SEL1L: variants seen among roughly 807,000 people sequenced by gnomAD.
The protein encoded by SEL1L is SEL1L adaptor subunit of SYVN1 ubiquitin ligase.
Under a neutral mutation model 109.8 loss-of-function variants are expected in SEL1L, and 52 were observed. The ratio of observed to expected loss-of-function variants is 0.47; its 90% CI spans 0.38 to 0.60. The LOEUF (loss-of-function observed/expected upper bound fraction) is 0.60, where lower values mean the gene tolerates loss of function less well. Among genes scored for constraint, SEL1L ranks in the 20% least tolerant of loss-of-function variants. The pLI is 0.00. For synonymous variants in SEL1L, 373 were observed against 339.6 expected (o/e 1.10, Z -1.08); for missense variants, 749 against 962.2 (o/e 0.78, Z 2.93).
chr14:81,521,320 C>G (rs976472656), intron 3 of SEL1L, among the ~76,000 whole-genome samples: 5 of 151,496 alleles, frequency 3.3e-5, no homozygotes, highest in African/African-American at 1.2e-4. Flanking sequence ...AAGAAATGTA[C>G]AAAATAAGTT....
intron 6 of SEL1L, among the ~76,000 whole-genome samples, chr14:81,501,908 A>G (rs12893863): frequency 0.39 from 58,651 of 151,620 alleles, 13,096 homozygotes; most frequent in East Asian, 0.55. Flanking sequence ...GAAGAAACAA[A>G]CTAAAAGCCA....
intron 3 of SEL1L, among the ~76,000 whole-genome samples, chr14:81,510,330 G>A (rs1884410504): frequency 6.6e-6 from 1 of 152,140 alleles, no homozygotes; most frequent in Admixed American, 6.5e-5. Flanking sequence ...ATGCTATAAA[G>A]GGGAGTAGAG....
intron 6 of SEL1L, among the ~76,000 whole-genome samples, chr14:81,499,937 ACT>A (rs1472254766): frequency 7.3e-6 from 1 of 136,146 alleles, no homozygotes; most frequent in African/African-American, 2.8e-5. Context: ...ACAGGGTATC[ACT>A]CTGTCATCCA....
intron 12 of SEL1L, among the ~76,000 whole-genome samples, chr14:81,491,902 G>C (rs1566973185): frequency 6.6e-6 from 1 of 151,946 alleles, no homozygotes; most frequent in Non-Finnish European, 1.5e-5. Context: ...ACAACTGTGA[G>C]AGTCTTAGCA....
intron 1 of SEL1L, among the ~76,000 whole-genome samples, chr14:81,533,464 G>A (rs374642598): frequency 6.6e-6 from 1 of 152,280 alleles, no homozygotes; most frequent in East Asian, 1.9e-4. Flanking sequence ...GTGTGGGCAG[G>A]GTGACCGCCC....
At chr14:81,491,593 T>C (rs1289216610) in intron 12 of SEL1L, among the ~76,000 whole-genome samples, 1 of 152,242 alleles carries the variant, frequency 6.6e-6, no homozygotes, top group Admixed American at 6.5e-5. Context: ...AATTTCCCTA[T>C]TGTAAAAACC....
rs767480655 is a variant in SEL1L at position 81,499,712 on chromosome 14, C to A, written c.778-50G>T. On this transcript the variant is annotated intron_variant, in intron 6 of 20. Coordinates refer to ENST00000336735, the MANE Select transcript of SEL1L (RefSeq NM_005065.6). ...AATCTTGCTTTGGTGAAGGTTTATCCAAGACAGACACAGACAGACACAGTT... is the reference window on the plus strand; with the variant it reads ...AATCTTGCTTTGGTGAAGGTTTATCAAAGACAGACACAGACAGACACAGTT... 146 of 1,451,254 alleles carry A rather than the reference C, an allele frequency of 1.0e-4. No homozygotes were observed. In the Middle Eastern group the frequency reaches 1.2e-3, roughly 12 times the overall value. 89.9% of individuals were successfully genotyped at this position (1,451,254 alleles called of 1,614,324 possible).
chr14:81,496,350 A>C (rs925438964), intron 10 of SEL1L, among the ~76,000 whole-genome samples: 9 of 152,108 alleles, frequency 5.9e-5, no homozygotes, highest in African/African-American at 1.9e-4. Context: ...CAAAAAAAAA[A>C]CTGAATTTGT....
At position 81,533,769 on chromosome 14, in the gene SEL1L, C is replaced by T. The variant is rs1450735661; in HGVS notation, c.-25G>A. ...TCCTCCTCTCGGGGCCGGTGCCAAC[C>T]CCTAGAGCTGTCGCCTTCGCCTCTG... On this transcript the variant is annotated 5_prime_UTR_variant, in exon 1 of 21. Transcript: ENST00000336735. 1 of 1,609,630 alleles carries T rather than the reference C, an allele frequency of 6.2e-7. No homozygotes were observed. The highest frequency in any genetic ancestry group is 8.5e-7 in the Non-Finnish European group (1 of 1,178,140).
rs376235478 is a variant in SEL1L at position 81,513,807 on chromosome 14, G to A, written c.341-7566C>T. On this transcript the variant is annotated intron_variant, in intron 3 of 20. Transcript: ENST00000336735. ...GTTGGTTTGCCTGGAACCAGCTTCC[G>A]CTTTCCCTGTACTTCTCGGCTGAGC... is the stretch of plus-strand genomic sequence containing the variant. Among the ~76,000 whole-genome samples the A allele has an allele frequency of 2.2e-3, 334 of 152,258 alleles. 2 individuals carry two copies. The Middle Eastern group carries it at 0.037, about 17-fold the overall frequency.
intron 10 of SEL1L, among the ~76,000 whole-genome samples, chr14:81,495,498 G>A (rs1331687769): frequency 1.3e-5 from 2 of 152,088 alleles, no homozygotes; most frequent in East Asian, 3.9e-4. Flanking sequence ...TTAGCCGGGC[G>A]TGGTAGCATA....
intron 6 of SEL1L, among the ~76,000 whole-genome samples, chr14:81,500,247 T>G (rs1883949348): frequency 6.6e-6 from 1 of 152,026 alleles, no homozygotes; most frequent in East Asian, 1.9e-4. Context: ...TAATTTATTT[T>G]TTCCGAGACA....
Position 81,519,148 on chromosome 14 carries a change from C to T in SEL1L, c.340+7585G>A, listed in dbSNP as rs114428910. ...AAACTCTAGTTCTCTAATAAGCTAC[C>T]TGGGTGGAAAACATTTCACATGTGT... On this transcript the variant is annotated intron_variant, in intron 3 of 20. Transcript: ENST00000336735. Among the ~76,000 whole-genome samples the T allele has an allele frequency of 9.9e-3, 1,507 of 152,330 alleles. 22 individuals are homozygous for T. The highest frequency in any genetic ancestry group is 0.034 in the African/African-American group (1,419 of 41,576).
Position 81,497,967 on chromosome 14 carries a change from C to A in SEL1L, c.1053G>T (p.Met351Ile), listed in dbSNP as rs970317720. 6.2e-7 allele frequency: 1 copy of A among 1,614,074 alleles called. No homozygotes were observed. The highest frequency in any genetic ancestry group is 8.5e-7 in the Non-Finnish European group (1 of 1,179,958). ...AATCTTCTTCTAGCATTCCACTGTT[C>A]ATTCCTGGATTTTCCACTTCATCAG... ...RLPDEVENPGMNSGMLEEDLI... is the reference protein window; with the variant it reads ...RLPDEVENPGINSGMLEEDLI... The change falls in exon 10 of 21, where the codon ATG becomes ATT. Residue 351 changes from methionine (M) to isoleucine (I), a missense_variant. By Grantham distance (10) the Met-to-Ile change is conservative. Coordinates refer to ENST00000336735, the MANE Select transcript of SEL1L (RefSeq NM_005065.6).
chr14:81,490,550 G>T, intron 12 of SEL1L, 85 bp from the exon 13 acceptor site: 1 of 1,035,748 alleles, frequency 9.7e-7, no homozygotes, highest in Non-Finnish European at 1.5e-6. Flanking sequence ...TTTGAGTTTT[G>T]TCAGATCTCA....
rs1057119911 is a variant in SEL1L, at chr14:81,475,025, T to G, written c.*1947A>C. 1 of 152,196 alleles carries G rather than the reference T, an allele frequency of 6.6e-6. No homozygotes were observed. The highest frequency in any genetic ancestry group is 2.4e-5 in the African/African-American group (1 of 41,462). 9.4% of individuals were successfully genotyped at this position (152,196 alleles called of 1,614,324 possible). A position where few individuals can be genotyped will look rare whatever the true frequency, so the allele number is the denominator to read the frequency against. On this transcript the variant is annotated 3_prime_UTR_variant, in exon 21 of 21. Transcript: ENST00000336735. ...AAAAAGTGAAAGTTGGTAGTCATCT[T>G]GGGTGGTTTTTCAACTTTTAAATAA... is the stretch of plus-strand genomic sequence containing the variant.
chr14:81,527,468 C>CACACACACAA (rs1376649193), intron 2 of SEL1L, among the ~76,000 whole-genome samples: 11 of 141,276 alleles, frequency 7.8e-5, no homozygotes, highest in African/African-American at 2.7e-4. Context: ...CACACACACA[C>CACACACACAA]ACACAGAGCA....
chr14:81,493,001 TTTA>T (rs1348023319), intron 11 of SEL1L, among the ~76,000 whole-genome samples: 1 of 152,192 alleles, frequency 6.6e-6, no homozygotes, highest in African/African-American at 2.4e-5. Flanking sequence ...TCTTGTACTG[TTTA>T]GAGAAAAATT....
Position 81,487,863 on chromosome 14 carries a change from A to G in SEL1L, c.1475T>C (p.Met492Thr). 6.2e-7 allele frequency: 1 copy of G among 1,613,944 alleles called. No homozygotes were observed. Residue 492 changes from methionine to threonine, a missense_variant, in exon 15 of 21, where the codon ATG (methionine) becomes ACG (threonine). By Grantham distance (81) the Met-to-Thr change is moderately conservative. Around this residue, in one of 2 missense-constraint regions of SEL1L, gnomAD observed 383 missense variants for 562.5 expected, o/e 0.68. Coordinates refer to ENST00000336735, the MANE Select transcript of SEL1L (RefSeq NM_005065.6). ...ATTCCAGTGTTACTTACTATAGTACATGGAACCAAGCTGTAGCTGCCCATC... is the reference window on the plus strand; with the variant it reads ...ATTCCAGTGTTACTTACTATAGTACGTGGAACCAAGCTGTAGCTGCCCATC... ...WVDGQLQLGS[M>T]YYNGIGVKRD...
Sources: allele counts gnomAD v4.1 joint callset (sites outside exome capture counted in the v4.1 genomes callset), GRCh38; gene constraint gnomAD v4.1.1; regional missense constraint gnomAD v4.1.1; transcripts MANE v1.5; gene names NCBI Gene and HGNC (gene_info 2026-07-23, HGNC 2026-07-21).